MBNL2: variants seen among roughly 807,000 people sequenced by gnomAD.
The protein encoded by MBNL2 is muscleblind-like protein 2.
MBNL2 carries 17 observed loss-of-function variants against 41.9 expected under a neutral mutation model. That is an observed-to-expected ratio of 0.41 (90% CI 0.28 to 0.61). MBNL2 has a LOEUF of 0.61. Ranked by LOEUF, MBNL2 falls within the 20% of genes least tolerant of loss-of-function variation. MBNL2 has a pLI of 0.35. For missense variants in MBNL2, 336 were observed against 505.6 expected (o/e 0.66, Z 3.22); for synonymous variants, 195 against 182.9 (o/e 1.07, Z -0.53).
chr13:97,184,083 T>TA, the MBNL2 span, among the ~76,000 whole-genome samples: 34 of 152,320 alleles, frequency 2.2e-4, no homozygotes, highest in Admixed American at 1.7e-3. Context: ...CCATGGGTTT[T>TA]AAAAATGAGG....
intron 3 of MBNL2, among the ~76,000 whole-genome samples, chr13:97,339,881 GGC>G (rs1229326528): frequency 1.3e-4 from 19 of 145,244 alleles, no homozygotes; most frequent in African/African-American, 2.3e-4. Flanking sequence ...GGGCGGGGGG[GGC>G]GTTGTTTTTC....
chr13:97,351,260 G>C (rs1161501603), intron 5 of MBNL2, among the ~76,000 whole-genome samples: 1 of 152,166 alleles, frequency 6.6e-6, no homozygotes, highest in Non-Finnish European at 1.5e-5. Context: ...TACATATACT[G>C]TCATCCAGGC....
rs1594134336 is a variant in MBNL2, at chr13:97,276,555, A to G, written c.174+146A>G. 5.3e-6 allele frequency: 4 copies of G among 750,132 alleles called. No individual in the cohort carries two copies. The East Asian group carries it at 1.1e-4, about 20-fold the overall frequency. The allele number at this position is 750,132 out of a possible 1,614,324, so 46.5% of individuals were successfully genotyped here. A position where few individuals can be genotyped will look rare whatever the true frequency, so the allele number is the denominator to read the frequency against. On this transcript the variant is annotated intron_variant, in intron 2 of 8. Coordinates refer to ENST00000679496, the MANE Select transcript of MBNL2 (RefSeq NM_001382683.1). Reference sequence around the variant, plus strand: ...GTGACTGTTGGGAGATTTTTCACTCAAATTTTTTCATATCAGGCATATATA... The same window carrying G: ...GTGACTGTTGGGAGATTTTTCACTCGAATTTTTTCATATCAGGCATATATA...
the MBNL2 span, among the ~76,000 whole-genome samples, chr13:97,208,833 T>G: frequency 6.6e-6 from 1 of 152,208 alleles, no homozygotes; most frequent in African/African-American, 2.4e-5. Flanking sequence ...TACATATACT[T>G]CAAGAATGTG....
the MBNL2 span, among the ~76,000 whole-genome samples, chr13:97,182,183 C>G: frequency 6.6e-6 from 1 of 152,166 alleles, no homozygotes; most frequent in Non-Finnish European, 1.5e-5. Context: ...CCCAGGCAAT[C>G]CTATGGATGC....
At chr13:97,309,760 C>T (rs1032547156) in intron 2 of MBNL2, among the ~76,000 whole-genome samples, 4 of 152,114 alleles carry the variant, frequency 2.6e-5, no homozygotes, top group African/African-American at 7.2e-5. Flanking sequence ...AATATCATAG[C>T]GAGAGATGCT....
the MBNL2 span, among the ~76,000 whole-genome samples, chr13:97,202,068 T>C: frequency 1.2e-4 from 18 of 152,216 alleles, no homozygotes; most frequent in Non-Finnish European, 2.4e-4. Flanking sequence ...TTTTTAGATG[T>C]GATAATGGTA....
intron 4 of MBNL2, among the ~76,000 whole-genome samples, chr13:97,344,365 C>A (rs539136531): frequency 6.6e-6 from 1 of 152,300 alleles, no homozygotes; most frequent in Admixed American, 6.5e-5. Flanking sequence ...CAGAGAGCTC[C>A]TTTAATTCCA....
intron 8 of MBNL2, among the ~76,000 whole-genome samples, chr13:97,372,457 AACTTAATGT>A (rs925452977): frequency 2.0e-5 from 3 of 152,074 alleles, no homozygotes; most frequent in African/African-American, 7.3e-5. Context: ...AAGTACATTA[AACTTAATGT>A]ACTTAATTGG....
intron 1 of MBNL2, among the ~76,000 whole-genome samples, chr13:97,238,209 T>G (rs2043648754): frequency 6.6e-6 from 1 of 152,168 alleles, no homozygotes; most frequent in Non-Finnish European, 1.5e-5. Context: ...GACTGATGTT[T>G]GAAATCATAG....
the MBNL2 span, among the ~76,000 whole-genome samples, chr13:97,192,868 T>C: frequency 1.3e-5 from 2 of 152,238 alleles, no homozygotes; most frequent in African/African-American, 2.4e-5. Context: ...CAGTATCCAA[T>C]AGTTTCACCC....
intron 1 of MBNL2, among the ~76,000 whole-genome samples, chr13:97,236,830 G>A (rs1380187780): frequency 6.6e-6 from 1 of 152,184 alleles, no homozygotes; most frequent in Non-Finnish European, 1.5e-5. Context: ...GATGCTGACA[G>A]TAATAATAAC....
At chr13:97,163,181 A>G in the MBNL2 span, among the ~76,000 whole-genome samples, 1 of 152,212 alleles carries the variant, frequency 6.6e-6, no homozygotes, top group East Asian at 1.9e-4. Context: ...CTTGAAGGAT[A>G]ACATCTTTGG....
chr13:97,245,761 T>A (rs2045335677), intron 1 of MBNL2, among the ~76,000 whole-genome samples: 1 of 152,246 alleles, frequency 6.6e-6, no homozygotes, highest in African/African-American at 2.4e-5. Context: ...TTTTAATATT[T>A]CATTTTAATT....
At chr13:97,287,437 C>T (rs766699538) in intron 2 of MBNL2, among the ~76,000 whole-genome samples, 6 of 152,068 alleles carry the variant, frequency 3.9e-5, no homozygotes, top group Admixed American at 2.6e-4. Context: ...AGTGATGTTT[C>T]GATGCATATA....
the MBNL2 span, among the ~76,000 whole-genome samples, chr13:97,147,868 A>C: frequency 1.1e-4 from 16 of 152,310 alleles, no homozygotes; most frequent in African/African-American, 3.8e-4. Context: ...GTTAGGGGGC[A>C]GTAATAAAAG....
intron 5 of MBNL2, 64 bp from the exon 6 acceptor site, chr13:97,356,732 A>T: frequency 3.1e-6 from 3 of 963,204 alleles, no homozygotes; most frequent in South Asian, 2.6e-5. Context: ...GTTTACCTGT[A>T]TGTTAATTCG....
chr13:97,353,158 T>A (rs1372303863), intron 5 of MBNL2, among the ~76,000 whole-genome samples: 2 of 152,224 alleles, frequency 1.3e-5, no homozygotes, highest in Non-Finnish European at 2.9e-5. Flanking sequence ...TGTTACACTG[T>A]GCCCAAATTT....
intron 1 of MBNL2, among the ~76,000 whole-genome samples, chr13:97,241,696 G>A (rs1049501839): frequency 1.3e-5 from 2 of 152,158 alleles, no homozygotes; most frequent in African/African-American, 4.8e-5. Flanking sequence ...ACACACGCAC[G>A]TGTGCAACAC....
Sources: gnomAD v4.1 joint callset for allele counts (sites outside exome capture counted in the v4.1 genomes callset) on GRCh38, gnomAD v4.1.1 for gene constraint, MANE v1.5 for transcripts, NCBI Gene and HGNC (gene_info 2026-07-23, HGNC 2026-07-21) for gene names.